The following TMEM106B variants were observed in gnomAD, a reference collection of about 807,000 sequenced individuals.
The protein encoded by TMEM106B is transmembrane protein 106B.
A neutral mutation model predicts 31.1 loss-of-function variants in TMEM106B; 15 were observed. That is an observed-to-expected ratio of 0.48 (90% CI 0.32 to 0.74). The LOEUF is 0.74. Ranked by LOEUF, TMEM106B falls within the 30% of genes least tolerant of loss-of-function variation. The probability of loss-of-function intolerance (pLI) is 0.03; values close to 1 mark genes in which losing one functional copy is unlikely to be tolerated. For missense variants in TMEM106B, 283 were observed against 327.3 expected, an observed-to-expected ratio of 0.86 and a Z score of 1.04; for synonymous variants, 126 against 112.5, an observed-to-expected ratio of 1.12 and a Z score of -0.76.
At position 12,229,705 on chromosome 7, in the gene TMEM106B, C is replaced by T. The variant is rs755833321; in HGVS notation, c.468C>T (p.Asn156=). 1 of 1,610,342 alleles carries T rather than the reference C, an allele frequency of 6.2e-7. No individual in the cohort carries two copies. The highest frequency in any genetic ancestry group is 1.7e-5 in the Admixed American group (1 of 58,984). The part of the protein sequence containing the change: ...ITNTLNITNN[N]YYSVEVENIT... ...ACACACTAAATATAACAAACAATAACTATTACTCTGTCGAAGTTGAAAACA... is the reference window on the plus strand; with the variant it reads ...ACACACTAAATATAACAAACAATAATTATTACTCTGTCGAAGTTGAAAACA... The change falls in exon 5 of 8, where the codon AAC becomes AAT. Residue 156 remains asparagine, a synonymous_variant. Coordinates refer to ENST00000396668, the MANE Select transcript of TMEM106B (RefSeq NM_001134232.2).
Position 12,218,560 on chromosome 7 carries a change from A to AT in TMEM106B, c.281+44dup, listed in dbSNP as rs748146851. 45 of 1,552,172 alleles carry AT rather than the reference A, an allele frequency of 2.9e-5. No individual in the cohort carries two copies. In the Middle Eastern group the frequency reaches 2.9e-3, roughly 99 times the overall value. On this transcript the variant is annotated intron_variant, in intron 3 of 7. Coordinates refer to ENST00000396668, the MANE Select transcript of TMEM106B (RefSeq NM_001134232.2). Reference sequence around the variant, plus strand: ...AGAATATGGCAGTGTTTTATGTTTTATTTTTGTTTTTTGTATTTTTTCAAA... The same window carrying AT: ...AGAATATGGCAGTGTTTTATGTTTTATTTTTTGTTTTTTGTATTTTTTCAAA...
rs532312158 is a variant in TMEM106B at position 12,219,929 on chromosome 7, G to C, written c.281+1408G>C. Among the ~76,000 whole-genome samples the C allele has an allele frequency of 7.3e-4, 111 of 152,116 alleles. 1 individual carries two copies. Among genetic ancestry groups the C allele is most frequent in the African/African-American group, 2.5e-3 (104 of 41,514 alleles). On this transcript the variant is annotated intron_variant, in intron 3 of 7. Coordinates refer to ENST00000396668, the MANE Select transcript of TMEM106B (RefSeq NM_001134232.2). ...CAAAACATTAAATCAAGAACACAGG[G>C]ACCTGCATATTGAAAAGACACCACA...
intron 2 of TMEM106B, chr7:12,215,481 C>A (rs1781668518): frequency 1.1e-5 from 2 of 176,764 alleles, no homozygotes; most frequent in African/African-American, 4.8e-5. Flanking sequence ...AAGCAATCCT[C>A]CCACCTCGGC....
chr7:12,224,985 T>G (rs1343134560), intron 4 of TMEM106B, among the ~76,000 whole-genome samples: 4 of 152,106 alleles, frequency 2.6e-5, no homozygotes, highest in African/African-American at 9.7e-5. Flanking sequence ...ATCATTTACT[T>G]TAGGTATTTC....
chr7:12,227,838 C>T (rs980306324), intron 4 of TMEM106B, among the ~76,000 whole-genome samples: 1 of 151,772 alleles, frequency 6.6e-6, no homozygotes, highest in Admixed American at 6.6e-5. Context: ...TTTATTCTGT[C>T]TTATTTTTTC....
chr7:12,239,468 C>T lies in TMEM106B; in HGVS notation c.*7493C>T, dbSNP rs1782202398. The T allele has an allele frequency of 6.6e-6, 1 of 152,160 alleles. No individual in the cohort carries two copies. The highest frequency in any genetic ancestry group is 2.4e-5 in the African/African-American group (1 of 41,446). 9.4% of individuals were successfully genotyped at this position (152,160 alleles called of 1,614,324 possible). ...AGGAAATAGCACTTTTAATTTCCTT[C>T]AAGAACTTTTCCTTTGCCTTCACAA... On this transcript the variant is annotated 3_prime_UTR_variant, in exon 8 of 8. Transcript: ENST00000396668.
In TMEM106B at chr7:12,229,825, A is replaced by T. The variant is rs1359247750; in HGVS notation, c.582+6A>T. ...GTCCACTTGATATGAAACAAGTAAG[A>T]ATCAATCATGAAATACTTTGTAAGA... On this transcript the variant is annotated splice_donor_region_variant and intron_variant, in intron 5 of 7. Coordinates refer to ENST00000396668, the MANE Select transcript of TMEM106B (RefSeq NM_001134232.2). 6.3e-7 allele frequency: 1 copy of T among 1,597,648 alleles called. No individual in the cohort carries two copies. Among genetic ancestry groups the T allele is most frequent in the African/African-American group, 1.4e-5 (1 of 73,958 alleles).
At position 12,214,917 on chromosome 7, in the gene TMEM106B, A is replaced by G. The variant is rs1482431314; in HGVS notation, c.107A>G (p.His36Arg). The change falls in exon 2 of 8, where the codon CAT becomes CGT. Residue 36 changes from histidine (H) to arginine (R), a missense_variant. Coordinates refer to ENST00000396668, the MANE Select transcript of TMEM106B (RefSeq NM_001134232.2). Reference sequence around the variant, plus strand: ...AATGGACTGGTTAATAGTGAAGTCCATAATGAAGATGGAAGAAATGGAGAT... The same window carrying G: ...AATGGACTGGTTAATAGTGAAGTCCGTAATGAAGATGGAAGAAATGGAGAT... ...MRNGLVNSEV[H>R]NEDGRNGDVS... 4 of 1,614,022 alleles carry G rather than the reference A, an allele frequency of 2.5e-6. No individual in the cohort carries two copies. The highest frequency in any genetic ancestry group is 1.6e-4 in the Middle Eastern group (1 of 6,080).
chr7:12,229,958 T>C, intron 5 of TMEM106B, 139 bp downstream of exon 5: 1 of 956,762 alleles, frequency 1.0e-6, no homozygotes, highest in Non-Finnish European at 1.5e-6. Flanking sequence ...GGCTCATGCC[T>C]GTGATCCCCG....
chr7:12,223,788 T>C (rs1781837199), intron 3 of TMEM106B, among the ~76,000 whole-genome samples: 1 of 150,490 alleles, frequency 6.6e-6, no homozygotes, highest in African/African-American at 2.5e-5. Flanking sequence ...TGGTGCGATC[T>C]CAGTTCACTC....
At chr7:12,223,201 G>T (rs1781821858) in intron 3 of TMEM106B, among the ~76,000 whole-genome samples, 1 of 152,062 alleles carries the variant, frequency 6.6e-6, no homozygotes, top group Admixed American at 6.6e-5. Context: ...ATTAGAAAAA[G>T]AAATGTAACA....
In TMEM106B at chr7:12,222,010, A is replaced by G. The variant is rs1489234138; in HGVS notation, c.282-2216A>G. The stretch of plus-strand genomic sequence containing the variant: ...ATTTTGGGAACAACTTTGGGTCTTT[A>G]TTTCTTTACAAATTGAGTGATTTGT... On this transcript the variant is annotated intron_variant, in intron 3 of 7. Coordinates refer to ENST00000396668, the MANE Select transcript of TMEM106B (RefSeq NM_001134232.2). Among the ~76,000 whole-genome samples the G allele has an allele frequency of 2.0e-5, 3 of 152,176 alleles. No homozygotes were observed. The East Asian group carries it at 5.8e-4, about 29-fold the overall frequency.
At position 12,235,998 on chromosome 7, in the gene TMEM106B, A is replaced by C. The variant is rs1362538288; in HGVS notation, c.*4023A>C. ...TCAGATGAGATGTTTATCTTAGACTATTTTAGGGAAAAATTTTACATGTTT... is the reference window on the plus strand; with the variant it reads ...TCAGATGAGATGTTTATCTTAGACTCTTTTAGGGAAAAATTTTACATGTTT... On this transcript the variant is annotated 3_prime_UTR_variant, in exon 8 of 8. Transcript: ENST00000396668. The C allele has an allele frequency of 6.6e-6, 1 of 151,166 alleles. No homozygotes were observed. The highest frequency in any genetic ancestry group is 2.4e-5 in the African/African-American group (1 of 41,154). The allele number at this position is 151,166 out of a possible 1,614,324, so 9.4% of individuals were successfully genotyped here.
rs1464114744 is a variant in TMEM106B, at chr7:12,229,649, T to C, written c.442-30T>C. ...ACATATTTGTATATTTTTAGCTAAC[T>C]TGTAAATTTTCTGTGTCCTTTTTTT... On this transcript the variant is annotated intron_variant, in intron 4 of 7. Coordinates refer to ENST00000396668, the MANE Select transcript of TMEM106B (RefSeq NM_001134232.2). 2.0e-6 allele frequency: 3 copies of C among 1,510,376 alleles called. No individual in the cohort carries two copies. In the African/African-American group the frequency reaches 4.2e-5, roughly 21 times the overall value. 93.6% of individuals were successfully genotyped at this position (1,510,376 alleles called of 1,614,324 possible). A position where few individuals can be genotyped will look rare whatever the true frequency, so the allele number is the denominator to read the frequency against.
In TMEM106B at chr7:12,224,207, A is replaced by G. The variant is rs762295811; in HGVS notation, c.282-19A>G. 2 of 1,603,804 alleles carry G rather than the reference A, an allele frequency of 1.2e-6. No individual in the cohort carries two copies. Among genetic ancestry groups the G allele is most frequent in the Non-Finnish European group, 1.7e-6 (2 of 1,173,020 alleles). ...ATTTCTGATGCACATGTACTTAAAT[A>G]CCCTCTTTTCCTTTTCAGAAAGCTG... On this transcript the variant is annotated intron_variant, in intron 3 of 7. Coordinates refer to ENST00000396668, the MANE Select transcript of TMEM106B (RefSeq NM_001134232.2).
At chr7:12,219,322 A>T (rs992033542) in intron 3 of TMEM106B, among the ~76,000 whole-genome samples, 2 of 152,198 alleles carry the variant, frequency 1.3e-5, no homozygotes, top group Non-Finnish European at 2.9e-5. Context: ...AATACTTTGT[A>T]TATCAACAGA....
intron 3 of TMEM106B, among the ~76,000 whole-genome samples, chr7:12,220,038 T>A (rs1282138974): frequency 6.6e-6 from 1 of 152,120 alleles, no homozygotes; most frequent in Non-Finnish European, 1.5e-5. Context: ...GGCAAAAGGA[T>A]CAATTAATTT....
rs904041835 is a variant in TMEM106B, at chr7:12,243,035, G to A, written c.*11060G>A. ...AACATTTGTTCTTGAAAAGAACTTC[G>A]TATAACATCATTAGATTTTTACAGA... On this transcript the variant is annotated 3_prime_UTR_variant, in exon 8 of 8. Transcript: ENST00000396668. 46 of 152,122 alleles carry A rather than the reference G, an allele frequency of 3.0e-4. No homozygotes were observed. The highest frequency in any genetic ancestry group is 1.1e-3 in the African/African-American group (44 of 41,526). The allele number at this position is 152,122 out of a possible 1,614,324, so 9.4% of individuals were successfully genotyped here.
At chr7:12,212,708 C>A (rs552785428) in intron 1 of TMEM106B, among the ~76,000 whole-genome samples, 1 of 152,244 alleles carries the variant, frequency 6.6e-6, no homozygotes, top group South Asian at 2.1e-4. Context: ...AGTCAGAGCC[C>A]TTAGTGCATC....
Sources: gnomAD v4.1 joint callset for allele counts (sites outside exome capture counted in the v4.1 genomes callset) on GRCh38, gnomAD v4.1.1 for gene constraint, MANE v1.5 for transcripts, NCBI Gene and HGNC (gene_info 2026-07-23, HGNC 2026-07-21) for gene names.